Variants in PPP2R2C observed in about 807,000 individuals in gnomAD.
PPP2R2C encodes protein phosphatase 2 regulatory subunit Bgamma.
A neutral mutation model predicts 45.3 loss-of-function variants in PPP2R2C; 10 were observed. The observed-to-expected ratio is 0.22, with a 90% CI of 0.14 to 0.37. The LOEUF (loss-of-function observed/expected upper bound fraction) is 0.37, where lower values mean the gene tolerates loss of function less well. Ranked by LOEUF, PPP2R2C falls within the 10% of genes least tolerant of loss-of-function variation. PPP2R2C has a pLI of 1.00. For synonymous variants in PPP2R2C, 257 were observed against 245.4 expected, an observed-to-expected ratio of 1.05 and a Z score of -0.44; for missense variants, 308 against 619.7, an observed-to-expected ratio of 0.50 and a Z score of 5.34.
At chr4:6,406,712 G>A (rs894727312) in intron 1 of PPP2R2C, among the ~76,000 whole-genome samples, 4 of 152,030 alleles carry the variant, frequency 2.6e-5, no homozygotes, top group South Asian at 2.1e-4. Flanking sequence ...AGCCGAGATC[G>A]CACCACTGCA....
rs562037274 is a variant in PPP2R2C, at chr4:6,378,092, C to T, written c.334+315G>A. Among the ~76,000 whole-genome samples the T allele has an allele frequency of 5.7e-4, 86 of 152,208 alleles. No homozygotes were observed. Among genetic ancestry groups the T allele is most frequent in the Non-Finnish European group, 1.0e-3 (70 of 68,006 alleles). On this transcript the variant is annotated intron_variant, in intron 3 of 8. Transcript: ENST00000382599. The surrounding 1 kb of genome is among the most constrained non-coding windows in gnomAD (Gnocchi z 5.2). ...AAAGCAAAGGCCTACAAAGATGGCT[C>T]GGATGGCTCTATTCACAGCAGGGGG...
At chr4:6,445,208 C>A (rs867322090) in intron 1 of PPP2R2C, among the ~76,000 whole-genome samples, 1,982 of 141,724 alleles carry the variant, frequency 0.014, 40 homozygotes, top group African/African-American at 0.047. Flanking sequence ...AAAATAAAAA[C>A]AAAAAAAAAA....
In PPP2R2C at chr4:6,347,657, G is replaced by T. The variant is rs570306528; in HGVS notation, c.790+189C>A. ...CCTGGCTGTGCAGGGACTCTGGGGG[G>T]CAGCAGGTGGCAAGACCAGGCTCCC... On this transcript the variant is annotated intron_variant, in intron 6 of 8. Coordinates refer to ENST00000382599, the MANE Select transcript of PPP2R2C (RefSeq NM_020416.4). 4.6e-5 allele frequency among the ~76,000 whole-genome samples: 7 copies of T among 152,244 alleles called. No individual in the cohort carries two copies. The South Asian group carries it at 1.0e-3, about 23-fold the overall frequency.
At position 6,472,375 on chromosome 4, in the gene PPP2R2C, G is replaced by GGGGGACGGGC. The variant is rs1471198601; in HGVS notation, c.-156_-147dup. ...GCCCCGAAGGGAGGGCATCGCGGCA[G>GGGGGACGGGC]GGGGACGGGCGGGGGCGGCCGGGGG... On this transcript the variant is annotated 5_prime_UTR_variant, in exon 1 of 9. Coordinates refer to ENST00000382599, the MANE Select transcript of PPP2R2C (RefSeq NM_020416.4). 4 of 1,068,978 alleles carry GGGGGACGGGC rather than the reference G, an allele frequency of 3.7e-6. No homozygotes were observed. Among genetic ancestry groups the GGGGGACGGGC allele is most frequent in the South Asian group, 4.4e-5 (1 of 22,972 alleles). The allele number at this position is 1,068,978 out of a possible 1,614,324, so 66.2% of individuals were successfully genotyped here.
rs1434443946 is a variant in PPP2R2C, at chr4:6,330,557, G to A, written c.961-1204C>T. Among the ~76,000 whole-genome samples, 1 of 152,120 alleles carries A rather than the reference G, an allele frequency of 6.6e-6. No individual in the cohort carries two copies. Among genetic ancestry groups the A allele is most frequent in the African/African-American group, 2.4e-5 (1 of 41,410 alleles). On this transcript the variant is annotated intron_variant, in intron 7 of 8. Transcript: ENST00000382599. This position sits in a 1 kb window ranked among gnomAD's most constrained non-coding sequence, Gnocchi z 7.0. ...AGACAGACCTCCCTGAGGACCGGGG[G>A]ATTCCGCTAACAGATGCGTGTGGGC...
intron 1 of PPP2R2C, among the ~76,000 whole-genome samples, chr4:6,438,113 A>T (rs1024838983): frequency 6.6e-6 from 1 of 152,208 alleles, no homozygotes; most frequent in African/African-American, 2.4e-5. Flanking sequence ...AACTGGAATG[A>T]TAGTCCTGAG....
chr4:6,511,005 A>AAAAAAAAAG (rs1360722985), intron 2 of PPP2R2C, among the ~76,000 whole-genome samples: 1 of 150,442 alleles, frequency 6.6e-6, no homozygotes, highest in African/African-American at 2.5e-5. Context: ...AAACAAAAAA[A>AAAAAAAAAG]AAAACAGAAA....
In PPP2R2C at chr4:6,440,059, A is replaced by G. The variant is rs34932895; in HGVS notation, c.70+32101T>C. Among the ~76,000 whole-genome samples the G allele has an allele frequency of 4.1e-3, 623 of 152,204 alleles. 1 individual carries two copies. The highest frequency in any genetic ancestry group is 0.027 in the Middle Eastern group (8 of 294). ...TCCCCATCCCTCCATCACTACATACAGGTCTCACAGGCTGGGTGGCCCATC... is the reference window on the plus strand; with the variant it reads ...TCCCCATCCCTCCATCACTACATACGGGTCTCACAGGCTGGGTGGCCCATC... On this transcript the variant is annotated intron_variant, in intron 1 of 8. Transcript: ENST00000382599.
intron 1 of PPP2R2C, among the ~76,000 whole-genome samples, chr4:6,545,891 C>T (rs1197664313): frequency 1.3e-5 from 2 of 152,106 alleles, no homozygotes; most frequent in African/African-American, 2.4e-5. Context: ...GTTGATTTAG[C>T]TACAAAGGGT....
intron 1 of PPP2R2C, among the ~76,000 whole-genome samples, chr4:6,453,050 C>A (rs192391934): frequency 6.6e-6 from 1 of 152,208 alleles, no homozygotes; most frequent in Non-Finnish European, 1.5e-5. Flanking sequence ...AGGATGGATG[C>A]GTGTGGCTCC....
rs1560492609 is a variant in PPP2R2C at position 6,373,900 on chromosome 4, C to CGTGTGTGTGTGT, written c.448-1201_448-1200insACACACACACAC. Among the ~76,000 whole-genome samples the CGTGTGTGTGTGT allele has an allele frequency of 4.6e-3, 570 of 123,870 alleles. 1 individual carries two copies. The highest frequency in any genetic ancestry group is 5.5e-3 in the Non-Finnish European group (336 of 60,574). 81.3% of individuals were successfully genotyped at this position (123,870 alleles called of 152,430 possible). A position where few individuals can be genotyped will look rare whatever the true frequency, so the allele number is the denominator to read the frequency against. On this transcript the variant is annotated intron_variant, in intron 4 of 8. Transcript: ENST00000382599. ...GACTGAGTATACGTGTATGTGCATGCATGTGTGTGTGTGTGTGTGTGTGTG... is the reference window on the plus strand; with the variant it reads ...GACTGAGTATACGTGTATGTGCATGCGTGTGTGTGTGTATGTGTGTGTGTGTGTGTGTGTGTG...
At chr4:6,434,733 C>T (rs139821680) in intron 1 of PPP2R2C, among the ~76,000 whole-genome samples, 48 of 152,274 alleles carry the variant, frequency 3.2e-4, no homozygotes, top group African/African-American at 1.1e-3. Context: ...TTCTTGTTTC[C>T]CTCATACCTG....
chr4:6,456,831 C>T (rs994065169), intron 1 of PPP2R2C, among the ~76,000 whole-genome samples: 6 of 152,206 alleles, frequency 3.9e-5, no homozygotes, highest in Non-Finnish European at 5.9e-5. Context: ...GGCCTGGCCA[C>T]GTGGAGGGCC....
At chr4:6,513,446 G>A (rs1723734525) in intron 2 of PPP2R2C, among the ~76,000 whole-genome samples, 1 of 152,148 alleles carries the variant, frequency 6.6e-6, no homozygotes, top group African/African-American at 2.4e-5. Context: ...GTCCTCCCAG[G>A]GGTGGAACAG....
intron 1 of PPP2R2C, among the ~76,000 whole-genome samples, chr4:6,544,566 G>A (rs185763582): frequency 1.3e-5 from 2 of 152,158 alleles, no homozygotes; most frequent in East Asian, 1.9e-4. Flanking sequence ...CTAACTCCTG[G>A]CCTCAAGTGA....
In PPP2R2C at chr4:6,348,815, C is replaced by T. The variant is rs1381349191; in HGVS notation, c.626-805G>A. On this transcript the variant is annotated intron_variant, in intron 5 of 8. Transcript: ENST00000382599. ...TGGTGATGCCATTGGAATCCTGGAT[C>T]AAGCTGCACCTGAAGCCATTCCCCC... The T allele has an allele frequency of 1.2e-5, 8 of 687,358 alleles. No individual in the cohort carries two copies. In the Admixed American group the frequency reaches 5.0e-4, roughly 43 times the overall value. 42.6% of individuals were successfully genotyped at this position (687,358 alleles called of 1,614,324 possible). A position where few individuals can be genotyped will look rare whatever the true frequency, so the allele number is the denominator to read the frequency against.
intron 1 of PPP2R2C, among the ~76,000 whole-genome samples, chr4:6,410,279 G>A (rs1333060621): frequency 2.6e-5 from 4 of 152,166 alleles, no homozygotes; most frequent in Non-Finnish European, 4.4e-5. Context: ...CTAATGAAGC[G>A]TCCCATGTTC....
chr4:6,436,584 CG>C (rs1719904963), intron 1 of PPP2R2C, among the ~76,000 whole-genome samples: 2 of 152,210 alleles, frequency 1.3e-5, no homozygotes, highest in Admixed American at 6.5e-5. Context: ...CTGAGCCAGG[CG>C]TCAAACCCTG....
intron 6 of PPP2R2C, among the ~76,000 whole-genome samples, chr4:6,339,341 T>A (rs1004650130): frequency 6.6e-6 from 1 of 152,232 alleles, no homozygotes; most frequent in Non-Finnish European, 1.5e-5. Context: ...GGCCCCGCCC[T>A]GCTCCCTGAG....
Sources: gnomAD v4.1 joint callset for allele counts (sites outside exome capture counted in the v4.1 genomes callset) on GRCh38, gnomAD v4.1.1 for gene constraint, Gnocchi (gnomAD v3.1) non-coding constraint, MANE v1.5 for transcripts, NCBI Gene and HGNC (gene_info 2026-07-23, HGNC 2026-07-21) for gene names.